RYR3: variants seen among roughly 807,000 people sequenced by gnomAD.
The protein encoded by RYR3 is brain ryanodine receptor-calcium release channel.
Under a neutral mutation model 584.3 loss-of-function variants are expected in RYR3, and 207 were observed. That is an observed-to-expected ratio of 0.35 (90% CI 0.32 to 0.40). RYR3 has a LOEUF of 0.40. Ranked by LOEUF, RYR3 falls within the 10% of genes least tolerant of loss-of-function variation. The pLI is 1.00. For synonymous variants in RYR3, 2,416 were observed against 2,248.5 expected (o/e 1.07, Z -2.11); for missense variants, 5,616 against 6,089.2 (o/e 0.92, Z 2.59).
intron 81 of RYR3, among the ~76,000 whole-genome samples, chr15:33,823,554 G>A (rs1319629841): frequency 2.0e-5 from 3 of 152,152 alleles, no homozygotes; most frequent in African/African-American, 7.2e-5. Flanking sequence ...TGTGTATTTT[G>A]ACACATCCAT....
chr15:33,833,927 GA>G (rs1052778494), intron 86 of RYR3, among the ~76,000 whole-genome samples: 1 of 152,078 alleles, frequency 6.6e-6, no homozygotes, highest in Admixed American at 6.6e-5. Flanking sequence ...TTAAAGGGTA[GA>G]AAAAAATAGA....
chr15:33,427,095 G>C (rs1258496827), intron 1 of RYR3, among the ~76,000 whole-genome samples: 1 of 152,192 alleles, frequency 6.6e-6, no homozygotes, highest in African/African-American at 2.4e-5. Context: ...TAACAGCTGG[G>C]TTCTATAGTT....
chr15:33,635,824 G>A lies in RYR3; in HGVS notation c.3381+5G>A. 1 of 1,608,550 alleles carries A rather than the reference G, an allele frequency of 6.2e-7. No individual in the cohort carries two copies. Among genetic ancestry groups the A allele is most frequent in the Non-Finnish European group, 8.5e-7 (1 of 1,178,432 alleles). ...TTTGTGTTTGAAGGCAACAGGGTGA[G>A]TTTATATATCTAGCAAACACCCATC... On this transcript the variant is annotated splice_donor_5th_base_variant and intron_variant, in intron 26 of 103. Coordinates refer to ENST00000634891, the MANE Select transcript of RYR3 (RefSeq NM_001036.6).
intron 54 of RYR3, 67 bp from the exon 55 acceptor site, chr15:33,748,401 G>T: frequency 6.4e-7 from 1 of 1,558,850 alleles, no homozygotes; most frequent in South Asian, 1.1e-5. Flanking sequence ...GACAGCTGAA[G>T]TTGGGGATGC....
intron 91 of RYR3, among the ~76,000 whole-genome samples, chr15:33,842,335 A>T (rs980592749): frequency 7.9e-5 from 12 of 152,206 alleles, no homozygotes; most frequent in African/African-American, 2.7e-4. Flanking sequence ...CTTTATGTGT[A>T]TTATGTGGGG....
Position 33,588,199 on chromosome 15 carries a change from A to G in RYR3, c.1788+2083A>G, listed in dbSNP as rs112715685. Among the ~76,000 whole-genome samples, 95 of 152,262 alleles carry G rather than the reference A, an allele frequency of 6.2e-4. 1 individual carries two copies. The highest frequency in any genetic ancestry group is 2.2e-3 in the African/African-American group (91 of 41,548). On this transcript the variant is annotated intron_variant, in intron 16 of 103. Transcript: ENST00000634891. ...GACATAGCATCATTATTATTTGTAC[A>G]TGACAGTGGCAGAAAGAAGGCCGGA...
intron 102 of RYR3, among the ~76,000 whole-genome samples, chr15:33,863,503 C>G (rs1350191465): frequency 6.6e-6 from 1 of 152,172 alleles, no homozygotes; most frequent in Non-Finnish European, 1.5e-5. Context: ...AGCCTGGTTC[C>G]TTTGGAAACG....
chr15:33,704,852 A>G (rs757413411), intron 42 of RYR3, among the ~76,000 whole-genome samples: 1 of 152,164 alleles, frequency 6.6e-6, no homozygotes, highest in Non-Finnish European at 1.5e-5. Flanking sequence ...AAATCTGTAA[A>G]GGGGATGAGG....
intron 1 of RYR3, among the ~76,000 whole-genome samples, chr15:33,395,053 T>C (rs1332600669): frequency 1.3e-5 from 2 of 152,232 alleles, no homozygotes; most frequent in Non-Finnish European, 2.9e-5. Context: ...TATAAGCTCA[T>C]TGAAGTTTGA....
intron 1 of RYR3, among the ~76,000 whole-genome samples, chr15:33,325,651 T>C (rs1969571528): frequency 6.6e-6 from 1 of 151,874 alleles, no homozygotes. Flanking sequence ...CTCTTTCCTT[T>C]TCTTTTCTTT....
intron 103 of RYR3, among the ~76,000 whole-genome samples, chr15:33,864,602 GGAT>G (rs1282443900): frequency 6.6e-6 from 1 of 151,436 alleles, no homozygotes; most frequent in Non-Finnish European, 1.5e-5. Context: ...GCATGTGAGA[GGAT>G]GAGTGAAAGG....
At position 33,812,955 on chromosome 15, in the gene RYR3, T is replaced by A. The variant is rs745625268; in HGVS notation, c.10350T>A (p.Arg3450=). 3 of 1,613,870 alleles carry A rather than the reference T, an allele frequency of 1.9e-6. No homozygotes were observed. The highest frequency in any genetic ancestry group is 2.5e-6 in the Non-Finnish European group (3 of 1,179,886). Residue 3450 remains arginine, a synonymous_variant, in exon 73 of 104, where the codon CGT becomes CGA. Transcript: ENST00000634891. ...EPFNPEKTVE[R]VQRISAAVFH... ...TCAATCCGGAAAAGACAGTGGAGCG[T>A]GTGCAGAGAATTTCAGCAGCTGTCT...
chr15:33,640,831 A>G (rs2061768708), intron 27 of RYR3, among the ~76,000 whole-genome samples: 1 of 152,178 alleles, frequency 6.6e-6, no homozygotes, highest in East Asian at 1.9e-4. Context: ...GCATAATTAT[A>G]TCTATTAGGA....
At chr15:33,486,404 G>A (rs1040046169) in intron 2 of RYR3, among the ~76,000 whole-genome samples, 4 of 152,016 alleles carry the variant, frequency 2.6e-5, no homozygotes, top group Non-Finnish European at 5.9e-5. Flanking sequence ...CTCTGTGCAC[G>A]TCTTTGCCTG....
intron 30 of RYR3, 104 bp from the exon 31 acceptor site, chr15:33,648,968 G>C (rs541001867): frequency 5.3e-6 from 6 of 1,130,584 alleles, no homozygotes; most frequent in Admixed American, 2.2e-5. Context: ...GAAAAAAAAG[G>C]GGGGGCCAAG....
At chr15:33,316,834 C>T (rs568590035) in intron 1 of RYR3, among the ~76,000 whole-genome samples, 49 of 152,302 alleles carry the variant, frequency 3.2e-4, no homozygotes, top group African/African-American at 1.1e-3. Flanking sequence ...GCCCAGTTGC[C>T]GCCATCTCTA....
Position 33,785,881 on chromosome 15 carries a change from A to T in RYR3, c.9488A>T (p.Lys3163Met), listed in dbSNP as rs536697939. 2 of 1,613,900 alleles carry T rather than the reference A, an allele frequency of 1.2e-6. No homozygotes were observed. The highest frequency in any genetic ancestry group is 2.7e-5 in the African/African-American group (2 of 74,994). ...CCCAGCACAGGGCCATGCTGCACCA[A>T]GGTCACCTCTGAACACCTCAGTCTC... The part of the protein sequence containing the change: ...LPPSTGPCCT[K>M]VTSEHLSLIL... Residue 3163 changes from lysine (K) to methionine (M), a missense_variant, in exon 66 of 104, where the codon AAG becomes ATG. Physicochemically the swap from Lys to Met is moderately conservative, Grantham distance 95. Transcript: ENST00000634891.
intron 38 of RYR3, among the ~76,000 whole-genome samples, chr15:33,673,974 T>G (rs2064002670): frequency 6.6e-6 from 1 of 152,186 alleles, no homozygotes; most frequent in African/African-American, 2.4e-5. Flanking sequence ...CACAGAATGT[T>G]ACCTCTCGCA....
chr15:33,405,001 T>C (rs1177391162), intron 1 of RYR3, among the ~76,000 whole-genome samples: 1 of 152,160 alleles, frequency 6.6e-6, no homozygotes, highest in African/African-American at 2.4e-5. Flanking sequence ...ACTGGTAACC[T>C]TGGAAAGCCA....
Sources: allele counts gnomAD v4.1 joint callset (sites outside exome capture counted in the v4.1 genomes callset), GRCh38; gene constraint gnomAD v4.1.1; transcripts MANE v1.5; gene names NCBI Gene and HGNC (gene_info 2026-07-23, HGNC 2026-07-21).